THSD7B: variants seen among roughly 807,000 people sequenced by gnomAD.
The protein encoded by THSD7B is thrombospondin type 1 domain containing 7B.
THSD7B carries 138 observed loss-of-function variants against 213.6 expected under a neutral mutation model. The ratio of observed to expected loss-of-function variants is 0.65; its 90% CI spans 0.56 to 0.74. THSD7B has a LOEUF of 0.74. Ranked by LOEUF, THSD7B falls within the 30% of genes least tolerant of loss-of-function variation. The probability of loss-of-function intolerance (pLI) is 0.00; values close to 1 mark genes in which losing one functional copy is unlikely to be tolerated. For synonymous variants in THSD7B, 742 were observed against 687.0 expected, an observed-to-expected ratio of 1.08 and a Z score of -1.25; for missense variants, 1,931 against 1,991.5, an observed-to-expected ratio of 0.97 and a Z score of 0.58.
In THSD7B at chr2:137,651,965, G is replaced by A. The variant is rs141119823; in HGVS notation, c.3946-3536G>A. On this transcript the variant is annotated intron_variant, in intron 21 of 27. Transcript: ENST00000409968. ...TGGATTTGTTGAAACTTGCTTTGTC[G>A]CCGAAGATATGGTTTATTCTGAAGA... is the stretch of plus-strand genomic sequence containing the variant. Among the ~76,000 whole-genome samples the A allele has an allele frequency of 6.6e-5, 10 of 151,962 alleles. No individual in the cohort carries two copies. In the East Asian group the frequency reaches 9.6e-4, roughly 15 times the overall value.
Position 137,655,552 on chromosome 2 carries a change from C to T in THSD7B, c.3997C>T (p.His1333Tyr). The T allele has an allele frequency of 6.2e-7, 1 of 1,612,582 alleles. No individual in the cohort carries two copies. Among genetic ancestry groups the T allele is most frequent in the Non-Finnish European group, 8.5e-7 (1 of 1,179,366 alleles). Residue 1333 changes from histidine (H) to tyrosine (Y), a missense_variant, in exon 22 of 28, where the codon CAC (histidine) becomes TAC (tyrosine). By Grantham distance (83) the His-to-Tyr change is moderately conservative. Coordinates refer to ENST00000409968, the MANE Select transcript of THSD7B (RefSeq NM_001316349.2). ...GATCCGCAGCCTTTCCTGCATGGTC[C>T]ACAGTGGTTCAATATCTCATGCAGC... The part of the protein sequence containing the change: ...VQIRSLSCMV[H>Y]SGSISHAAGR...
At chr2:137,305,470 C>T (rs771004918) in intron 12 of THSD7B, among the ~76,000 whole-genome samples, 3 of 152,058 alleles carry the variant, frequency 2.0e-5, no homozygotes, top group Non-Finnish European at 4.4e-5. Context: ...AACTCATGTC[C>T]ATTCATGCTA....
chr2:137,575,742 A>ATATATATATATTTTTTTT (rs1235744133), intron 17 of THSD7B, among the ~76,000 whole-genome samples: 9 of 147,328 alleles, frequency 6.1e-5, no homozygotes, highest in African/African-American at 1.2e-4. Context: ...ATATATATAT[A>ATATATATATATTTTTTTT]TTTTTACTTT....
intron 15 of THSD7B, among the ~76,000 whole-genome samples, chr2:137,524,491 G>T (rs1007116042): frequency 6.6e-6 from 1 of 152,124 alleles, no homozygotes; most frequent in Non-Finnish European, 1.5e-5. Flanking sequence ...GTCTGGGAGA[G>T]AAATATCTGC....
intron 12 of THSD7B, among the ~76,000 whole-genome samples, chr2:137,383,703 CT>C (rs1428086650): frequency 6.6e-6 from 1 of 152,156 alleles, no homozygotes; most frequent in Non-Finnish European, 1.5e-5. Context: ...GTACATATGG[CT>C]TGCGTCCATG....
At chr2:136,812,525 G>A (rs114879312) in intron 1 of THSD7B, among the ~76,000 whole-genome samples, 2,561 of 152,306 alleles carry the variant, frequency 0.017, 37 homozygotes, top group South Asian at 0.028. Flanking sequence ...TTGTAAAATA[G>A]TAATAATAAG....
intron 2 of THSD7B, among the ~76,000 whole-genome samples, chr2:136,959,114 T>A (rs1033798925): frequency 1.3e-5 from 2 of 152,154 alleles, no homozygotes; most frequent in African/African-American, 4.8e-5. Context: ...CAAGGAAACT[T>A]TAGAGGTTAG....
In THSD7B at chr2:137,412,460, C is replaced by T. The variant is rs377378328; in HGVS notation, c.2959+588C>T. ...TACTGAAAATACAAAATTAGCCGGGCGTGGTGGCGCATGCCTGTAATCCCA... is the reference window on the plus strand; with the variant it reads ...TACTGAAAATACAAAATTAGCCGGGTGTGGTGGCGCATGCCTGTAATCCCA... On this transcript the variant is annotated intron_variant, in intron 14 of 27. Transcript: ENST00000409968. Among the ~76,000 whole-genome samples, 643 of 151,528 alleles carry T rather than the reference C, an allele frequency of 4.2e-3. 6 individuals are homozygous for T. Among genetic ancestry groups the T allele is most frequent in the African/African-American group, 0.015 (604 of 41,350 alleles).
At chr2:137,624,612 T>G (rs1189683623) in intron 20 of THSD7B, among the ~76,000 whole-genome samples, 1 of 139,302 alleles carries the variant, frequency 7.2e-6, no homozygotes, top group East Asian at 1.9e-4. Context: ...ACAAAGAACT[T>G]AAACAAATTT....
At chr2:137,460,575 A>G (rs963243497) in intron 15 of THSD7B, among the ~76,000 whole-genome samples, 1 of 152,120 alleles carries the variant, frequency 6.6e-6, no homozygotes, top group South Asian at 2.1e-4. Context: ...TGCTTCCTGT[A>G]TGGAAGCAGT....
At chr2:137,043,163 A>G (rs1686912068) in intron 2 of THSD7B, among the ~76,000 whole-genome samples, 1 of 152,200 alleles carries the variant, frequency 6.6e-6, no homozygotes, top group African/African-American at 2.4e-5. Context: ...CTCTCAGCCA[A>G]ACAAATTAGA....
At chr2:137,479,757 G>A (rs1210031067) in intron 15 of THSD7B, among the ~76,000 whole-genome samples, 1 of 152,154 alleles carries the variant, frequency 6.6e-6, no homozygotes, top group Non-Finnish European at 1.5e-5. Context: ...TAAAGATGCA[G>A]GGGCTATTGA....
intron 15 of THSD7B, among the ~76,000 whole-genome samples, chr2:137,457,052 C>T (rs931421878): frequency 3.3e-5 from 5 of 152,262 alleles, no homozygotes; most frequent in East Asian, 3.9e-4. Flanking sequence ...CTTGCCCTGT[C>T]GCCATTTCCA....
chr2:137,056,320 T>C, intron 2 of THSD7B, 100 bp from the exon 3 acceptor site: 1 of 1,250,856 alleles, frequency 8.0e-7, no homozygotes, highest in East Asian at 2.4e-5. Context: ...CCTAATTTCA[T>C]ACTGCTTGTG....
chr2:136,896,251 T>C (rs574305167), intron 2 of THSD7B, among the ~76,000 whole-genome samples: 4 of 152,184 alleles, frequency 2.6e-5, no homozygotes, highest in African/African-American at 4.8e-5. Context: ...GATATTGTCT[T>C]TTTGATTGTA....
intron 2 of THSD7B, among the ~76,000 whole-genome samples, chr2:136,934,736 A>G (rs898172114): frequency 3.9e-5 from 6 of 152,184 alleles, no homozygotes; most frequent in Middle Eastern, 3.2e-3. Flanking sequence ...AACTTTAGAA[A>G]GTAAGTGTAG....
rs1307106164 is a variant in THSD7B, at chr2:137,486,791, G to A, written c.3138+35768G>A. Among the ~76,000 whole-genome samples the A allele has an allele frequency of 5.3e-5, 8 of 152,282 alleles. No individual in the cohort carries two copies. In the East Asian group the frequency reaches 5.8e-4, roughly 11 times the overall value. Reference sequence around the variant, plus strand: ...AAAAGAACAGAAATTCTAACAAACTGTCTCTCAGACCACAGTGCAATCAAA... The same window carrying A: ...AAAAGAACAGAAATTCTAACAAACTATCTCTCAGACCACAGTGCAATCAAA... On this transcript the variant is annotated intron_variant, in intron 15 of 27. Transcript: ENST00000409968.
intron 6 of THSD7B, among the ~76,000 whole-genome samples, chr2:137,162,196 C>T (rs1400994206): frequency 1.3e-5 from 2 of 152,278 alleles, no homozygotes; most frequent in East Asian, 1.9e-4. Context: ...AATGGGTCTC[C>T]GTCTTGTTTT....
chr2:137,015,872 G>C (rs891158339), intron 2 of THSD7B, among the ~76,000 whole-genome samples: 3 of 152,134 alleles, frequency 2.0e-5, no homozygotes, highest in Non-Finnish European at 4.4e-5. Context: ...GTGGCACACA[G>C]AGCTCAGTTC....
Sources: allele counts gnomAD v4.1 joint callset (sites outside exome capture counted in the v4.1 genomes callset), GRCh38; gene constraint gnomAD v4.1.1; transcripts MANE v1.5; gene names NCBI Gene and HGNC (gene_info 2026-07-23, HGNC 2026-07-21).